Variants in ITPRIP observed in about 807,000 individuals in gnomAD.
The protein encoded by ITPRIP is inositol 1,4,5-trisphosphate receptor-interacting protein.
ITPRIP carries 32 observed loss-of-function variants against 35.8 expected under a neutral mutation model. The ratio of observed to expected loss-of-function variants is 0.89; its 90% CI spans 0.68 to 1.20. The LOEUF is 1.20. ITPRIP is among the 50% of genes most tolerant of loss of function. The pLI, the probability that ITPRIP is intolerant of heterozygous loss-of-function variation, is 0.00. For synonymous variants in ITPRIP, 358 were observed against 324.0 expected (o/e 1.11, Z -1.13); for missense variants, 653 against 735.6 (o/e 0.89, Z 1.30).
At chr10:104,321,708 T>TTTTC (rs1564864111) in intron 1 of ITPRIP, among the ~76,000 whole-genome samples, 12 of 147,888 alleles carry the variant, frequency 8.1e-5, no homozygotes, top group African/African-American at 3.1e-4. Context: ...CTTTTCTTTT[T>TTTTC]TTTTTTTTTT....
chr10:104,314,745 G>C lies in ITPRIP; in HGVS notation c.1307C>G (p.Ala436Gly). 1.2e-6 allele frequency: 2 copies of C among 1,613,832 alleles called. No individual in the cohort carries two copies. The highest frequency in any genetic ancestry group is 1.7e-5 in the Admixed American group (1 of 60,032). ...CCGGAGGAGTAGGAGGTGCAGTAGG[G>C]CCGTCTTCAGGTGGTAGCTGCTGAG... ...SGLSSYHLKT[A>G]LLHLLLLRQA... The change falls in exon 2 of 2, where the codon GCC (alanine) becomes GGC (glycine). Residue 436 changes from alanine (A) to glycine (G), a missense_variant. Transcript: ENST00000337478.
In ITPRIP at chr10:104,313,269, C is replaced by T; in HGVS notation, c.*1139G>A. Reference sequence around the variant, plus strand: ...CCTGATCTCTGCAACTTTCTCTGAACTGGGCCAGACTGCAAGCCAGACACC... The same window carrying T: ...CCTGATCTCTGCAACTTTCTCTGAATTGGGCCAGACTGCAAGCCAGACACC... On this transcript the variant is annotated 3_prime_UTR_variant, in exon 2 of 2. Coordinates refer to ENST00000337478, the MANE Select transcript of ITPRIP (RefSeq NM_001272013.2). 1 of 985,702 alleles carries T rather than the reference C, an allele frequency of 1.0e-6. No homozygotes were observed. The highest frequency in any genetic ancestry group is 1.2e-6 in the Non-Finnish European group (1 of 830,128). The allele number at this position is 985,702 out of a possible 1,614,324, so 61.1% of individuals were successfully genotyped here.
intron 1 of ITPRIP, among the ~76,000 whole-genome samples, chr10:104,330,139 T>TACCC (rs1466994485): frequency 1.3e-5 from 2 of 152,204 alleles, no homozygotes; most frequent in African/African-American, 2.4e-5. Flanking sequence ...AGGTTCTGAG[T>TACCC]ACCCAGCTTT....
rs1426110935 is a variant in ITPRIP at position 104,315,881 on chromosome 10, C to T, written c.171G>A (p.Glu57=). ...TTTCGGCCGCCAGCCGAGCCACCTCCTCCTCCAGGCGCAACTGCTCCAGCT... is the reference window on the plus strand; with the variant it reads ...TTTCGGCCGCCAGCCGAGCCACCTCTTCCTCCAGGCGCAACTGCTCCAGCT... The part of the protein sequence containing the change: ...KLQLEQLRLE[E]EVARLAAEKE... The change falls in exon 2 of 2, where the codon GAG becomes GAA. Residue 57 remains glutamate (E), a synonymous_variant. Transcript: ENST00000337478. This position sits in a 1 kb window ranked among gnomAD's most constrained non-coding sequence, Gnocchi z 5.7. The T allele has an allele frequency of 1.5e-5, 24 of 1,613,568 alleles. No individual in the cohort carries two copies. Among genetic ancestry groups the T allele is most frequent in the Non-Finnish European group, 1.9e-5 (22 of 1,179,794 alleles).
intron 1 of ITPRIP, among the ~76,000 whole-genome samples, chr10:104,320,819 C>A (rs2013828534): frequency 6.6e-6 from 1 of 152,092 alleles, no homozygotes; most frequent in Admixed American, 6.6e-5. Context: ...GGTGTGAGCA[C>A]CTGGCCTGCC....
At chr10:104,337,682 T>C (rs1373804918) in intron 1 of ITPRIP, among the ~76,000 whole-genome samples, 5 of 151,722 alleles carry the variant, frequency 3.3e-5, no homozygotes, top group African/African-American at 9.7e-5. Flanking sequence ...GGCCCACTAA[T>C]AGTCCCGAAA....
intron 1 of ITPRIP, among the ~76,000 whole-genome samples, chr10:104,316,674 G>C (rs866766067): frequency 1.2e-4 from 19 of 152,184 alleles, no homozygotes; most frequent in African/African-American, 4.1e-4. Flanking sequence ...CTGCTTGAAG[G>C]CATTGCTGTC....
intron 1 of ITPRIP, among the ~76,000 whole-genome samples, chr10:104,329,409 C>G (rs536893601): frequency 6.6e-6 from 1 of 152,260 alleles, no homozygotes; most frequent in South Asian, 2.1e-4. Context: ...TTGCACAAAA[C>G]AACCCTACTA....
At chr10:104,334,383 C>T (rs1338736451) in intron 1 of ITPRIP, among the ~76,000 whole-genome samples, 1 of 152,192 alleles carries the variant, frequency 6.6e-6, no homozygotes, top group Admixed American at 6.5e-5. Context: ...CTATGCTTGG[C>T]TTTCTATTGA....
Position 104,326,111 on chromosome 10 carries a change from C to A in ITPRIP, c.-13-10047G>T, listed in dbSNP as rs1403135260. On this transcript the variant is annotated intron_variant, in intron 1 of 1. Coordinates refer to ENST00000337478, the MANE Select transcript of ITPRIP (RefSeq NM_001272013.2). The surrounding 1 kb of genome is among the most constrained non-coding windows in gnomAD (Gnocchi z 4.8). Reference sequence around the variant, plus strand: ...ACTCACAGGAGGTGCTGCTCACACCCGTCCAAAGCATTAAGTGCTCTCAAG... The same window carrying A: ...ACTCACAGGAGGTGCTGCTCACACCAGTCCAAAGCATTAAGTGCTCTCAAG... 6.6e-6 allele frequency among the ~76,000 whole-genome samples: 1 copy of A among 152,198 alleles called. No individual in the cohort carries two copies. The highest frequency in any genetic ancestry group is 1.9e-4 in the East Asian group (1 of 5,176).
intron 1 of ITPRIP, among the ~76,000 whole-genome samples, chr10:104,335,729 G>C (rs1475961541): frequency 6.6e-6 from 1 of 152,134 alleles, no homozygotes; most frequent in Non-Finnish European, 1.5e-5. Flanking sequence ...TTCCCACGAG[G>C]GTTCCCAATT....
intron 1 of ITPRIP, among the ~76,000 whole-genome samples, chr10:104,322,133 TC>T (rs1266196189): frequency 3.9e-5 from 6 of 152,168 alleles, no homozygotes; most frequent in African/African-American, 1.4e-4. Context: ...TGAAGGCCTC[TC>T]CCTGTCTGGA....
rs2013580628 is a variant in ITPRIP, at chr10:104,314,600, C to T, written c.1452G>A (p.Val484=). The change falls in exon 2 of 2, where the codon GTG becomes GTA. Residue 484 remains valine, a synonymous_variant. Transcript: ENST00000337478. ...CCTCAGGGAGTCCCATGGCCTCAGG[C>T]ACCTTGCGGTTGCCGATGAAGAAGT... The part of the protein sequence containing the change: ...LHHFFIGNRK[V]PEAMGLPEAV... The T allele has an allele frequency of 6.2e-7, 1 of 1,614,068 alleles. No homozygotes were observed. Among genetic ancestry groups the T allele is most frequent in the African/African-American group, 1.3e-5 (1 of 74,950 alleles).
rs762658280 is a variant in ITPRIP, at chr10:104,314,666, C to T, written c.1386G>A (p.Leu462=). 2 of 1,613,952 alleles carry T rather than the reference C, an allele frequency of 1.2e-6. No individual in the cohort carries two copies. The highest frequency in any genetic ancestry group is 1.6e-4 in the Middle Eastern group (1 of 6,062). The change falls in exon 2 of 2, where the codon CTG becomes CTA. Residue 462 remains leucine, a synonymous_variant. Transcript: ENST00000337478. ...GGAGCAAGCTCTTCTCCAGGAAGCA[C>T]AGCAACTCGTGCAGACGAGCGTCCA... is the stretch of plus-strand genomic sequence containing the variant. ...GQLDARLHEL[L]CFLEKSLLQK...
intron 1 of ITPRIP, among the ~76,000 whole-genome samples, chr10:104,336,348 C>T (rs534980014): frequency 2.0e-5 from 3 of 152,088 alleles, no homozygotes; most frequent in Non-Finnish European, 4.4e-5. Context: ...ACACTTGGAG[C>T]ACCCACCCCT....
chr10:104,318,967 C>T (rs1013166954), intron 1 of ITPRIP, among the ~76,000 whole-genome samples: 2 of 152,244 alleles, frequency 1.3e-5, no homozygotes, highest in African/African-American at 2.4e-5. Context: ...CGGAGTGCGC[C>T]GCAGACGCCC....
Position 104,317,880 on chromosome 10 carries a change from C to T in ITPRIP, c.-13-1816G>A, listed in dbSNP as rs147062948. ...GATGGACTGAGTTGGCTGCTGGTCA[C>T]GCCTAGACAAACTTGCTGCTCAGAT... On this transcript the variant is annotated intron_variant, in intron 1 of 1. Coordinates refer to ENST00000337478, the MANE Select transcript of ITPRIP (RefSeq NM_001272013.2). Among the ~76,000 whole-genome samples, 22 of 152,334 alleles carry T rather than the reference C, an allele frequency of 1.4e-4. No individual in the cohort carries two copies. The South Asian group carries it at 3.1e-3, about 22-fold the overall frequency.
Position 104,315,650 on chromosome 10 carries a change from G to A in ITPRIP, c.402C>T (p.Leu134=). ...PGLGGAPLQG[L]TLPNKATLGH... is the part of the protein sequence containing the mutation. ...CAAGCGTGGCCTTGTTGGGCAGGGT[G>A]AGGCCCTGCAAGGGGGCGCCCCCCA... The change falls in exon 2 of 2, where the codon CTC becomes CTT. Residue 134 remains leucine, a synonymous_variant. Transcript: ENST00000337478. The surrounding 1 kb of genome is among the most constrained non-coding windows in gnomAD (Gnocchi z 5.7). 2.5e-6 allele frequency: 4 copies of A among 1,612,410 alleles called. No individual in the cohort carries two copies. Among genetic ancestry groups the A allele is most frequent in the Non-Finnish European group, 3.4e-6 (4 of 1,179,876 alleles).
chr10:104,337,007 G>GAAGGCAGAATGGCCCAGAGCAGCC (rs1328882637), intron 1 of ITPRIP, among the ~76,000 whole-genome samples: 2 of 152,204 alleles, frequency 1.3e-5, no homozygotes, highest in Non-Finnish European at 2.9e-5. Context: ...GAGAAAATCC[G>GAAGGCAGAATGGCCCAGAGCAGCC]AAGGCAGAAT....
Sources: gnomAD v4.1 joint callset for allele counts (sites outside exome capture counted in the v4.1 genomes callset) on GRCh38, gnomAD v4.1.1 for gene constraint, Gnocchi (gnomAD v3.1) non-coding constraint, MANE v1.5 for transcripts, NCBI Gene and HGNC (gene_info 2026-07-23, HGNC 2026-07-21) for gene names.